The following ELP1 variants were observed in gnomAD, a reference collection of about 807,000 sequenced individuals.
The protein encoded by ELP1 is elongator acetyltransferase complex subunit 1, also known as elongator complex protein 1.
A neutral mutation model predicts 183.2 loss-of-function variants in ELP1; 131 were observed. The observed-to-expected ratio is 0.72, with a 90% CI of 0.62 to 0.83. ELP1 has a LOEUF of 0.83. Among genes scored for constraint, ELP1 ranks in the 40% least tolerant of loss-of-function variants. The pLI is 0.00. For synonymous variants in ELP1, 555 were observed against 569.0 expected (o/e 0.98, Z 0.35); for missense variants, 1,550 against 1,594.9 (o/e 0.97, Z 0.48).
chr9:108,869,968 C>T (rs1203191320), intron 36 of ELP1, among the ~76,000 whole-genome samples: 1 of 152,086 alleles, frequency 6.6e-6, no homozygotes, highest in Non-Finnish European at 1.5e-5. Context: ...CAAAAATCTG[C>T]ATATACCTTT....
In ELP1 at chr9:108,879,348, T is replaced by A. The variant is rs1431413378; in HGVS notation, c.3572+98A>T. 3 of 861,290 alleles carry A rather than the reference T, an allele frequency of 3.5e-6. No individual in the cohort carries two copies. The East Asian group carries it at 7.5e-5, about 21-fold the overall frequency. 53.4% of individuals were successfully genotyped at this position (861,290 alleles called of 1,614,324 possible). On this transcript the variant is annotated intron_variant, in intron 33 of 36. Coordinates refer to ENST00000374647, the MANE Select transcript of ELP1 (RefSeq NM_003640.5). Reference sequence around the variant, plus strand: ...CAGCGCTGAAGAATATTCTCCCCACTCCCACTACACCGTCCCAGTAGAAAA... The same window carrying A: ...CAGCGCTGAAGAATATTCTCCCCACACCCACTACACCGTCCCAGTAGAAAA...
Position 108,927,460 on chromosome 9 carries a change from CAG to C in ELP1, c.304-9_304-8del, listed in dbSNP as rs769049998. The C allele has an allele frequency of 5.0e-6, 8 of 1,610,780 alleles. No homozygotes were observed. The Admixed American group carries it at 1.3e-4, about 27-fold the overall frequency. On this transcript the variant is annotated splice_polypyrimidine_tract_variant and splice_region_variant and intron_variant, in intron 3 of 36. Transcript: ENST00000374647. ...CACTCCCAACACACTCCAGCTGAGA[CAG>C]AGAAAATTGAAAAGAGAGATTCAAA...
chr9:108,888,551 C>A (rs1458914612), intron 29 of ELP1, among the ~76,000 whole-genome samples: 1 of 152,170 alleles, frequency 6.6e-6, no homozygotes, highest in Non-Finnish European at 1.5e-5. Context: ...TCCAACCCAA[C>A]CTATCTACCC....
At position 108,906,365 on chromosome 9, in the gene ELP1, GAC is replaced by G; in HGVS notation, c.1579_1580del (p.Val527HisfsTer10). ...AAGAAGCTGCAGTCAAATGGTGAAT[GAC>G]AGACCGGGGGCTGAACTCACTGTGG... ...VSHSEFSPRS[V>X]IHHLTAASSE... On this transcript the variant is annotated frameshift_variant, in exon 14 of 37. Transcript: ENST00000374647. LOFTEE classifies it high-confidence loss of function. 1 of 1,614,126 alleles carries G rather than the reference GAC, an allele frequency of 6.2e-7. No homozygotes were observed. Among genetic ancestry groups the G allele is most frequent in the Non-Finnish European group, 8.5e-7 (1 of 1,179,958 alleles).
chr9:108,895,075 C>T (rs1367345109), intron 25 of ELP1, among the ~76,000 whole-genome samples: 3 of 152,010 alleles, frequency 2.0e-5, no homozygotes, highest in Non-Finnish European at 2.9e-5. Flanking sequence ...GGCGAAACCC[C>T]GTCTCAACAA....
rs534462974 is a variant in ELP1, at chr9:108,903,746, TCAA to T, written c.1644-80_1644-78del. 714 of 1,056,750 alleles carry T rather than the reference TCAA, an allele frequency of 6.8e-4. 1 individual carries two copies. Among genetic ancestry groups the T allele is most frequent in the Non-Finnish European group, 9.5e-4 (646 of 676,888 alleles). The allele number at this position is 1,056,750 out of a possible 1,614,324, so 65.5% of individuals were successfully genotyped here. On this transcript the variant is annotated intron_variant, in intron 14 of 36. Transcript: ENST00000374647. ...AGTGACATTTCACTGATTTTGAAAA[TCAA>T]CAATTTCCTTTTGATGCTGCACTAC...
intron 25 of ELP1, among the ~76,000 whole-genome samples, chr9:108,895,751 T>C (rs544974991): frequency 6.6e-6 from 1 of 152,138 alleles, no homozygotes; most frequent in South Asian, 2.1e-4. Context: ...AAATAAAAAA[T>C]ATGCATACCA....
In ELP1 at chr9:108,901,409, T is replaced by A; in HGVS notation, c.2014+16A>T. The A allele has an allele frequency of 6.5e-7, 1 of 1,540,598 alleles. No homozygotes were observed. The highest frequency in any genetic ancestry group is 9.0e-7 in the Non-Finnish European group (1 of 1,113,232). On this transcript the variant is annotated intron_variant, in intron 18 of 36. Transcript: ENST00000374647. ...TGGAGAAGGGACCATTTCTGTTTTA[T>A]ACATTGAAAACTTACTTTTAAATGA...
intron 36 of ELP1, among the ~76,000 whole-genome samples, chr9:108,871,749 T>A (rs904938476): frequency 1.3e-5 from 2 of 152,370 alleles, no homozygotes; most frequent in South Asian, 2.1e-4. Flanking sequence ...TCTCATACAA[T>A]GACTGTGCTT....
chr9:108,904,767 C>G (rs750804391), intron 14 of ELP1, among the ~76,000 whole-genome samples: 12 of 152,172 alleles, frequency 7.9e-5, no homozygotes, highest in Non-Finnish European at 1.8e-4. Context: ...TAAGCTAAAA[C>G]AGACAAAGCA....
At position 108,877,941 on chromosome 9, in the gene ELP1, CA is replaced by C. The variant is rs1236849345; in HGVS notation, c.3855+53del. The stretch of plus-strand genomic sequence containing the variant: ...TTTTGACTTGGAGATTGTGTGAATA[CA>C]ATAACCCATGAAAATGATGAAAAAA... On this transcript the variant is annotated intron_variant, in intron 35 of 36. Coordinates refer to ENST00000374647, the MANE Select transcript of ELP1 (RefSeq NM_003640.5). 8 of 1,589,662 alleles carry C rather than the reference CA, an allele frequency of 5.0e-6. No homozygotes were observed. In the African/African-American group the frequency reaches 1.1e-4, roughly 21 times the overall value.
chr9:108,927,889 G>A (rs1829869729), intron 3 of ELP1, among the ~76,000 whole-genome samples: 1 of 152,174 alleles, frequency 6.6e-6, no homozygotes, highest in South Asian at 2.1e-4. Context: ...CAGAGGCTGG[G>A]AAGGGTAGTG....
intron 13 of ELP1, among the ~76,000 whole-genome samples, chr9:108,907,532 G>A: frequency 6.6e-6 from 1 of 152,038 alleles, no homozygotes; most frequent in East Asian, 1.9e-4. Context: ...TCTGCTATTT[G>A]TTGTACTCAG....
chr9:108,900,271 G>C lies in ELP1; in HGVS notation c.2119C>G (p.Leu707Val), dbSNP rs769927115. ...IVTVVPQDTK[L>V]VLQMPRGNLE... ...AAAAACCAGCTTACCTGTAATACAA[G>C]CTTTGTGTCCTGGGGCACAACAGTG... Residue 707 changes from leucine (L) to valine (V), a missense_variant, in exon 19 of 37, where the codon CTT (leucine) becomes GTT (valine). Leu to Val is a conservative substitution (Grantham distance 32, BLOSUM62 1). Coordinates refer to ENST00000374647, the MANE Select transcript of ELP1 (RefSeq NM_003640.5). 6 of 1,612,682 alleles carry C rather than the reference G, an allele frequency of 3.7e-6. No homozygotes were observed. The highest frequency in any genetic ancestry group is 5.1e-6 in the Non-Finnish European group (6 of 1,178,770).
In ELP1 at chr9:108,884,411, A is replaced by G. The variant is rs1193109693; in HGVS notation, c.3223-2224T>C. Among the ~76,000 whole-genome samples the G allele has an allele frequency of 2.0e-5, 3 of 152,204 alleles. No individual in the cohort carries two copies. The East Asian group carries it at 5.8e-4, about 29-fold the overall frequency. On this transcript the variant is annotated intron_variant, in intron 29 of 36. Transcript: ENST00000374647. ...GCATGATCAACCTAATCTAACTGAC[A>G]TTTATAGAACACTCCATCCAATAAT...
rs59112775 is a variant in ELP1 at position 108,900,606 on chromosome 9, C to G, written c.2015-231G>C. Among the ~76,000 whole-genome samples, 7,891 of 152,282 alleles carry G rather than the reference C, an allele frequency of 0.052. 317 individuals carry two copies. The highest frequency in any genetic ancestry group is 0.12 in the East Asian group (620 of 5,170). On this transcript the variant is annotated intron_variant, in intron 18 of 36. Transcript: ENST00000374647. ...ATGCACATTCACATACACAGCTTCT[C>G]AAATGATGTGGAGAAACACAGTTAA... is the stretch of plus-strand genomic sequence containing the variant.
Position 108,906,498 on chromosome 9 carries a change from T to C in ELP1, c.1461-13A>G, listed in dbSNP as rs767718313. 1.4e-5 allele frequency: 22 copies of C among 1,608,108 alleles called. No individual in the cohort carries two copies. The highest frequency in any genetic ancestry group is 2.2e-5 in the South Asian group (2 of 90,968). On this transcript the variant is annotated splice_polypyrimidine_tract_variant and intron_variant, in intron 13 of 36. Coordinates refer to ENST00000374647, the MANE Select transcript of ELP1 (RefSeq NM_003640.5). ...CTCAAACTGGATTCTATTGTAAATA[T>C]TGAAGAATATCCAAGACATGAATAA...
At chr9:108,883,760 C>T (rs1233596751) in intron 29 of ELP1, among the ~76,000 whole-genome samples, 1 of 151,790 alleles carries the variant, frequency 6.6e-6, no homozygotes, top group East Asian at 1.9e-4. Flanking sequence ...ACAGCAACCA[C>T]TAAAATACTG....
intron 14 of ELP1, 108 bp from the exon 15 acceptor site, chr9:108,903,777 A>G: frequency 1.3e-6 from 1 of 756,750 alleles, no homozygotes. Context: ...TGCACTACCT[A>G]CTTCAATACA....
Sources: allele counts gnomAD v4.1 joint callset (sites outside exome capture counted in the v4.1 genomes callset), GRCh38; gene constraint gnomAD v4.1.1; transcripts MANE v1.5; gene names NCBI Gene and HGNC (gene_info 2026-07-23, HGNC 2026-07-21).